Variants in ADGRG4 observed in about 807,000 individuals in gnomAD.
ADGRG4 encodes G protein-coupled receptor 112.
A neutral mutation model predicts 126.2 loss-of-function variants in ADGRG4; 122 were observed. The ratio of observed to expected loss-of-function variants is 0.97; its 90% CI spans 0.83 to 1.12. ADGRG4 has a LOEUF of 1.12. ADGRG4 is among the 50% of genes most tolerant of loss of function. The pLI, the probability that ADGRG4 is intolerant of heterozygous loss-of-function variation, is 0.00. For missense variants in ADGRG4, 2,481 were observed against 2,251.8 expected, an observed-to-expected ratio of 1.10 and a Z score of -2.06; for synonymous variants, 943 against 838.7, an observed-to-expected ratio of 1.12 and a Z score of -2.15.
In ADGRG4 at chrX:136,349,889, T is replaced by A. The variant is rs1237340995; in HGVS notation, c.6183T>A (p.Ser2061=). The part of the protein sequence containing the change: ...HPFTNLTTLP[S]ATMSTILTRT... ...TCACTAACTTGACAACACTACCCTC[T>A]GCTACTATGAGCACCATACTCACCC... The change falls in exon 6 of 26, where the codon TCT becomes TCA. Residue 2061 remains serine (S), a synonymous_variant. Transcript: ENST00000394143. 1.7e-6 allele frequency: 2 copies of A among 1,208,852 alleles called. No homozygotes were observed. Among genetic ancestry groups the A allele is most frequent in the Non-Finnish European group, 2.2e-6 (2 of 894,469 alleles).
At chrX:136,371,270 A>G in intron 13 of ADGRG4, 58 bp from the exon 14 acceptor site, 1 of 806,294 alleles carries the variant, frequency 1.2e-6, no homozygotes, top group Non-Finnish European at 1.8e-6. Context: ...AAAGAAGCAC[A>G]CCAGAATGGC....
chrX:136,413,129 GCACA>G (rs2075455678), intron 24 of ADGRG4, among the ~76,000 whole-genome samples: 2 of 106,643 alleles, frequency 1.9e-5, no homozygotes, highest in Admixed American at 1.0e-4. Context: ...GGGTACATGT[GCACA>G]TTGTGCAGGT....
chrX:136,406,348 A>C (rs936551033), intron 23 of ADGRG4, among the ~76,000 whole-genome samples: 1 of 112,307 alleles, frequency 8.9e-6, no homozygotes, highest in African/African-American at 3.2e-5. Flanking sequence ...CTCTATCTGC[A>C]TCTGATATCC....
At chrX:136,395,942 T>C (rs1250176126) in intron 19 of ADGRG4, among the ~76,000 whole-genome samples, 1 of 112,083 alleles carries the variant, frequency 8.9e-6, no homozygotes, top group Non-Finnish European at 1.9e-5. Context: ...AAAATACCTT[T>C]ATAGTATACC....
intron 16 of ADGRG4, among the ~76,000 whole-genome samples, chrX:136,392,002 C>T (rs2075322077): frequency 8.9e-6 from 1 of 112,199 alleles, no homozygotes; most frequent in Non-Finnish European, 1.9e-5. Context: ...GCTAAATACA[C>T]ATTTGGTTGG....
chrX:136,320,844 G>A (rs188276180), intron 4 of ADGRG4, among the ~76,000 whole-genome samples: 29 of 111,214 alleles, frequency 2.6e-4, no homozygotes, highest in Admixed American at 2.5e-3. Context: ...GCTTGAGCCC[G>A]GGAGGTCAAG....
intron 9 of ADGRG4, among the ~76,000 whole-genome samples, chrX:136,357,341 A>G (rs1297108146): frequency 1.8e-5 from 2 of 111,944 alleles, no homozygotes; most frequent in African/African-American, 3.3e-5. Context: ...TGGGCTTAGA[A>G]CATAGTAAAT....
intron 23 of ADGRG4, 96 bp from the exon 24 acceptor site, chrX:136,412,169 G>A: frequency 1.7e-6 from 1 of 577,676 alleles, no homozygotes; most frequent in East Asian, 3.4e-5. Context: ...TTCCTTGAAA[G>A]TAGTATCTCT....
chrX:136,416,331 A>G, intron 25 of ADGRG4, 123 bp from the exon 26 acceptor site: 4 of 461,155 alleles, frequency 8.7e-6, no homozygotes, highest in Non-Finnish European at 1.5e-5. Flanking sequence ...AAAGCACCAT[A>G]TCCTTCCCTT....
At chrX:136,406,320 A>G (rs763428349) in intron 23 of ADGRG4, among the ~76,000 whole-genome samples, 1 of 112,317 alleles carries the variant, frequency 8.9e-6, no homozygotes, top group Non-Finnish European at 1.9e-5. Context: ...AAAAACATTA[A>G]AGTTTTGACC....
intron 21 of ADGRG4, among the ~76,000 whole-genome samples, chrX:136,402,328 C>T (rs1603300648): frequency 9.0e-6 from 1 of 110,785 alleles, no homozygotes; most frequent in African/African-American, 3.3e-5. Flanking sequence ...TGAAGACTGC[C>T]GCACAACTTC....
chrX:136,402,824 G>C (rs1296968679), intron 21 of ADGRG4, among the ~76,000 whole-genome samples: 1 of 111,618 alleles, frequency 9.0e-6, no homozygotes, highest in Admixed American at 9.5e-5. Flanking sequence ...GCAGCTGATT[G>C]CCTGTGCCCT....
intron 20 of ADGRG4, among the ~76,000 whole-genome samples, chrX:136,398,508 C>T (rs2075362724): frequency 8.9e-6 from 1 of 111,907 alleles, no homozygotes; most frequent in Non-Finnish European, 1.9e-5. Flanking sequence ...ACCAAATGGC[C>T]AATAAGCATA....
intron 4 of ADGRG4, among the ~76,000 whole-genome samples, chrX:136,313,105 G>C (rs1416507967): frequency 8.9e-6 from 1 of 112,503 alleles, no homozygotes; most frequent in Admixed American, 9.4e-5. Flanking sequence ...TATGAATAAT[G>C]CTGTATGAAC....
At position 136,346,111 on chromosome X, in the gene ADGRG4, A is replaced by G. The variant is rs1158218423; in HGVS notation, c.2405A>G (p.Glu802Gly). 1 of 1,210,501 alleles carries G rather than the reference A, an allele frequency of 8.3e-7. No individual in the cohort carries two copies. The highest frequency in any genetic ancestry group is 1.7e-5 in the African/African-American group (1 of 57,818). ...LACIQPNFST[E>G]ESASETTQTE... is the part of the protein sequence containing the mutation. Reference sequence around the variant, plus strand: ...TGCATTCAACCAAATTTTTCTACTGAGGAAAGTGCTTCTGAGACCACACAA... The same window carrying G: ...TGCATTCAACCAAATTTTTCTACTGGGGAAAGTGCTTCTGAGACCACACAA... Residue 802 changes from glutamate (E) to glycine (G), a missense_variant, in exon 6 of 26, where the codon GAG becomes GGG. Transcript: ENST00000394143.
chrX:136,401,410 T>A (rs1371901546), intron 21 of ADGRG4, among the ~76,000 whole-genome samples: 2 of 111,753 alleles, frequency 1.8e-5, no homozygotes, highest in African/African-American at 6.5e-5. Flanking sequence ...GCTTCTTTTT[T>A]AAACCCTTCC....
intron 5 of ADGRG4, among the ~76,000 whole-genome samples, chrX:136,337,574 T>A (rs1315502012): frequency 8.9e-6 from 1 of 112,687 alleles, no homozygotes; most frequent in East Asian, 2.8e-4. Context: ...CTTTGCTGGA[T>A]ATAGAATTCA....
At chrX:136,323,930 T>C (rs1603292072) in intron 5 of ADGRG4, among the ~76,000 whole-genome samples, 1 of 112,164 alleles carries the variant, frequency 8.9e-6, no homozygotes, top group East Asian at 2.8e-4. Context: ...CCTTTCTTTG[T>C]CTTTCATGAC....
chrX:136,344,175 G>C (rs998112770), intron 5 of ADGRG4, among the ~76,000 whole-genome samples: 4 of 111,332 alleles, frequency 3.6e-5, no homozygotes, highest in Admixed American at 9.5e-5. Context: ...CTACGAAATG[G>C]ATATCTTCCT....
Sources: gnomAD v4.1 joint callset for allele counts (sites outside exome capture counted in the v4.1 genomes callset) on GRCh38, gnomAD v4.1.1 for gene constraint, MANE v1.5 for transcripts, NCBI Gene and HGNC (gene_info 2026-07-23, HGNC 2026-07-21) for gene names.